The following ZMAT4 variants were observed in gnomAD, a reference collection of about 807,000 sequenced individuals.
ZMAT4 encodes the protein zinc finger matrin-type 4, also known as zinc finger matrin-type protein 4.
Under a neutral mutation model 28.7 loss-of-function variants are expected in ZMAT4, and 17 were observed. The observed-to-expected ratio is 0.59, with a 90% CI of 0.41 to 0.89. The LOEUF is 0.89. Ranked by LOEUF, ZMAT4 falls within the 40% of genes least tolerant of loss-of-function variation. The pLI is 0.00. For synonymous variants in ZMAT4, 117 were observed against 109.2 expected, an observed-to-expected ratio of 1.07 and a Z score of -0.44; for missense variants, 240 against 283.8, an observed-to-expected ratio of 0.85 and a Z score of 1.11.
intron 1 of ZMAT4, among the ~76,000 whole-genome samples, chr8:40,868,887 T>G (rs1817761271): frequency 6.6e-6 from 1 of 152,224 alleles, no homozygotes; most frequent in African/African-American, 2.4e-5. Flanking sequence ...ATTCACAATC[T>G]TTAAACACCA....
rs181530582 is a variant in ZMAT4 at position 40,532,310 on chromosome 8, C to A, written c.675-72G>T. The A allele has an allele frequency of 5.6e-4, 767 of 1,359,456 alleles. 5 individuals carry two copies. The African/African-American group carries it at 9.4e-3, about 17-fold the overall frequency. 84.2% of individuals were successfully genotyped at this position (1,359,456 alleles called of 1,614,324 possible). A position where few individuals can be genotyped will look rare whatever the true frequency, so the allele number is the denominator to read the frequency against. On this transcript the variant is annotated intron_variant, in intron 6 of 6. Transcript: ENST00000297737. Reference sequence around the variant, plus strand: ...AATTCCAACACCTCTTTCTCCCCCCCACCCCCTGTCTCTCTTCTACTTCTC... The same window carrying A: ...AATTCCAACACCTCTTTCTCCCCCCAACCCCCTGTCTCTCTTCTACTTCTC...
rs545906127 is a variant in ZMAT4 at position 40,559,912 on chromosome 8, C to T, written c.674+21253G>A. 2.6e-5 allele frequency among the ~76,000 whole-genome samples: 4 copies of T among 152,184 alleles called. No individual in the cohort carries two copies. In the South Asian group the frequency reaches 8.3e-4, roughly 32 times the overall value. On this transcript the variant is annotated intron_variant, in intron 6 of 6. Transcript: ENST00000297737. ...AAAAAATAGATGACCCAGAAATAATCCCTATGGCCCCTTTGGGATCAAACT... is the reference window on the plus strand; with the variant it reads ...AAAAAATAGATGACCCAGAAATAATTCCTATGGCCCCTTTGGGATCAAACT...
chr8:40,633,752 T>C (rs2722418), intron 5 of ZMAT4, among the ~76,000 whole-genome samples: 151,861 of 152,344 alleles, frequency 1, 75,693 homozygotes, highest in Middle Eastern at 1. Flanking sequence ...GATGATTCTA[T>C]AGGAATAGCT....
intron 1 of ZMAT4, among the ~76,000 whole-genome samples, chr8:40,872,971 A>G (rs1165280404): frequency 6.6e-6 from 1 of 152,160 alleles, no homozygotes; most frequent in East Asian, 1.9e-4. Flanking sequence ...AGCAGAAACC[A>G]TGGCCTCCAG....
chr8:40,788,288 G>A (rs995917460), intron 2 of ZMAT4, among the ~76,000 whole-genome samples: 1 of 152,094 alleles, frequency 6.6e-6, no homozygotes, highest in East Asian at 1.9e-4. Context: ...AACTACCAAA[G>A]CTTAAGAATA....
At position 40,815,618 on chromosome 8, in the gene ZMAT4, G is replaced by A. The variant is rs148522304; in HGVS notation, c.102+9957C>T. On this transcript the variant is annotated intron_variant, in intron 2 of 6. Transcript: ENST00000297737. Reference sequence around the variant, plus strand: ...CTCCACGCAGAAGGTGGGATGGTTCGGGCTATTTAGCAGTGAGGCACAGAG... The same window carrying A: ...CTCCACGCAGAAGGTGGGATGGTTCAGGCTATTTAGCAGTGAGGCACAGAG... 3.1e-3 allele frequency among the ~76,000 whole-genome samples: 465 copies of A among 152,282 alleles called. 3 individuals carry two copies. The highest frequency in any genetic ancestry group is 4.0e-3 in the Non-Finnish European group (273 of 68,020).
intron 1 of ZMAT4, among the ~76,000 whole-genome samples, chr8:40,849,126 A>G (rs1186128456): frequency 6.6e-6 from 1 of 152,228 alleles, no homozygotes. Flanking sequence ...ACAGCTGCCT[A>G]GAGACAGCCA....
intron 3 of ZMAT4, among the ~76,000 whole-genome samples, chr8:40,737,574 A>C (rs980772575): frequency 1.3e-5 from 2 of 152,194 alleles, no homozygotes; most frequent in Non-Finnish European, 2.9e-5. Flanking sequence ...AAAAAGGCCT[A>C]CTGGCACGGT....
In ZMAT4 at chr8:40,825,625, C is replaced by A. The variant is rs1354709467; in HGVS notation, c.52G>T (p.Val18Leu). Residue 18 changes from valine to leucine, a missense_variant, in exon 2 of 7, where the codon GTG becomes TTG. Transcript: ENST00000297737. ...QDLFTDSYCK[V>L]CSAQLISESQ... ...TCGGAGATCAGCTGTGCACTGCACA[C>A]CTTGCAGTAACTGTCTGTGAATAAA... The A allele has an allele frequency of 9.0e-6, 14 of 1,555,586 alleles. No homozygotes were observed. The highest frequency in any genetic ancestry group is 1.0e-5 in the Non-Finnish European group (12 of 1,148,506).
At chr8:40,851,133 C>T (rs1388820900) in intron 1 of ZMAT4, among the ~76,000 whole-genome samples, 1 of 152,114 alleles carries the variant, frequency 6.6e-6, no homozygotes, top group Non-Finnish European at 1.5e-5. Context: ...TCGAGACCAG[C>T]CTGGCCAACA....
At chr8:40,598,850 T>C (rs1805193734) in intron 5 of ZMAT4, among the ~76,000 whole-genome samples, 1 of 152,134 alleles carries the variant, frequency 6.6e-6, no homozygotes, top group Non-Finnish European at 1.5e-5. Context: ...GTTATCACCA[T>C]AGATTTGGAT....
intron 5 of ZMAT4, among the ~76,000 whole-genome samples, chr8:40,660,812 C>G (rs1808156266): frequency 6.6e-6 from 1 of 152,154 alleles, no homozygotes. Flanking sequence ...TGAATGAGCT[C>G]AGCTTTTGTT....
intron 5 of ZMAT4, among the ~76,000 whole-genome samples, chr8:40,671,123 G>C (rs1031974813): frequency 6.6e-6 from 1 of 151,026 alleles, no homozygotes; most frequent in African/African-American, 2.4e-5. Context: ...ATGAATTAAA[G>C]GCATCATGAA....
intron 6 of ZMAT4, among the ~76,000 whole-genome samples, chr8:40,552,046 G>C (rs117579153): frequency 6.6e-6 from 1 of 152,188 alleles, no homozygotes; most frequent in Non-Finnish European, 1.5e-5. Context: ...CAGCAGCCAG[G>C]GCCATAATGG....
intron 5 of ZMAT4, among the ~76,000 whole-genome samples, chr8:40,655,914 TA>T (rs920196806): frequency 1.3e-5 from 2 of 152,076 alleles, no homozygotes; most frequent in African/African-American, 2.4e-5. Context: ...TTCAATGTGA[TA>T]AAAAAATGCA....
intron 5 of ZMAT4, among the ~76,000 whole-genome samples, chr8:40,647,608 C>T (rs1049058045): frequency 6.6e-6 from 1 of 152,182 alleles, no homozygotes; most frequent in African/African-American, 2.4e-5. Flanking sequence ...TCTGTAGGCT[C>T]CACCTCTGGG....
chr8:40,563,188 A>T (rs906466676), intron 6 of ZMAT4, among the ~76,000 whole-genome samples: 1 of 152,130 alleles, frequency 6.6e-6, no homozygotes, highest in Admixed American at 6.5e-5. Context: ...AATCATTCTC[A>T]TTCCCCAGCC....
chr8:40,710,371 A>G (rs1310004054), intron 3 of ZMAT4, among the ~76,000 whole-genome samples: 1 of 149,384 alleles, frequency 6.7e-6, no homozygotes, highest in Non-Finnish European at 1.5e-5. Context: ...TTGTGAACCA[A>G]CATACTCAGT....
At chr8:40,565,245 C>A (rs1160665761) in intron 6 of ZMAT4, among the ~76,000 whole-genome samples, 3 of 152,114 alleles carry the variant, frequency 2.0e-5, no homozygotes, top group African/African-American at 7.2e-5. Context: ...GTGATGAGGG[C>A]TTTTCAGAGA....
Sources: gnomAD v4.1 joint callset for allele counts (sites outside exome capture counted in the v4.1 genomes callset) on GRCh38, gnomAD v4.1.1 for gene constraint, MANE v1.5 for transcripts, NCBI Gene and HGNC (gene_info 2026-07-23, HGNC 2026-07-21) for gene names.